Variants in SLC25A34 observed in about 807,000 individuals in gnomAD.
SLC25A34 encodes the protein solute carrier family 25 member 34.
In SLC25A34, 26 loss-of-function variants were observed where a neutral mutation model predicts 28.1. The ratio of observed to expected loss-of-function variants is 0.93; its 90% CI spans 0.68 to 1.28. SLC25A34 has a LOEUF of 1.28. SLC25A34 is among the 50% of genes most tolerant of loss of function. SLC25A34 has a pLI of 0.00. For synonymous variants in SLC25A34, 182 were observed against 182.2 expected, an observed-to-expected ratio of 1.00 and a Z score of 0.01; for missense variants, 384 against 409.8, an observed-to-expected ratio of 0.94 and a Z score of 0.54.
chr1:15,740,675 G>C lies in SLC25A34; in HGVS notation c.*1269G>C, dbSNP rs2068271436. ...GGACTTCAACATGCACTTCTGCAGG[G>C]GCCGCAGTTCAGCCAACATCATCTT... On this transcript the variant is annotated 3_prime_UTR_variant, in exon 5 of 5. Coordinates refer to ENST00000294454, the MANE Select transcript of SLC25A34 (RefSeq NM_207348.3). The C allele has an allele frequency of 6.6e-6, 1 of 152,306 alleles. No individual in the cohort carries two copies. Among genetic ancestry groups the C allele is most frequent in the South Asian group, 2.1e-4 (1 of 4,828 alleles). The allele number at this position is 152,306 out of a possible 1,614,324, so 9.4% of individuals were successfully genotyped here.
At position 15,736,387 on chromosome 1, in the gene SLC25A34, C is replaced by T. The variant is rs1282771096; in HGVS notation, c.-99C>T. The stretch of plus-strand genomic sequence containing the variant: ...GCCTCGGTCCCCTGCAAACCCCAGC[C>T]CCGTAGCCCTGCGAGGTTACAGACA... On this transcript the variant is annotated 5_prime_UTR_variant, in exon 1 of 5. Transcript: ENST00000294454. 7.0e-6 allele frequency: 9 copies of T among 1,291,534 alleles called. No individual in the cohort carries two copies. The highest frequency in any genetic ancestry group is 8.9e-6 in the Non-Finnish European group (9 of 1,009,316). The allele number at this position is 1,291,534 out of a possible 1,614,324, so 80.0% of individuals were successfully genotyped here.
In SLC25A34 at chr1:15,739,508, G is replaced by C; in HGVS notation, c.*102G>C. On this transcript the variant is annotated 3_prime_UTR_variant, in exon 5 of 5. Coordinates refer to ENST00000294454, the MANE Select transcript of SLC25A34 (RefSeq NM_207348.3). ...TGTCCCGGGGCGGGCCATGGGCCCA[G>C]GCCCTGCCAGAGGTCCCGGGAGAGT... is the stretch of plus-strand genomic sequence containing the variant. The C allele has an allele frequency of 7.3e-7, 1 of 1,375,400 alleles. No individual in the cohort carries two copies. Among genetic ancestry groups the C allele is most frequent in the Non-Finnish European group, 9.6e-7 (1 of 1,042,488 alleles). The allele number at this position is 1,375,400 out of a possible 1,614,324, so 85.2% of individuals were successfully genotyped here. A position where few individuals can be genotyped will look rare whatever the true frequency, so the allele number is the denominator to read the frequency against.
At position 15,736,395 on chromosome 1, in the gene SLC25A34, C is replaced by A. The variant is rs1268625168; in HGVS notation, c.-91C>A. On this transcript the variant is annotated 5_prime_UTR_variant, in exon 1 of 5. Coordinates refer to ENST00000294454, the MANE Select transcript of SLC25A34 (RefSeq NM_207348.3). ...CCCCTGCAAACCCCAGCCCCGTAGCCCTGCGAGGTTACAGACAGCCTAAAC... is the reference window on the plus strand; with the variant it reads ...CCCCTGCAAACCCCAGCCCCGTAGCACTGCGAGGTTACAGACAGCCTAAAC... 7.6e-7 allele frequency: 1 copy of A among 1,320,518 alleles called. No homozygotes were observed. The highest frequency in any genetic ancestry group is 1.5e-5 in the African/African-American group (1 of 65,570). The allele number at this position is 1,320,518 out of a possible 1,614,324, so 81.8% of individuals were successfully genotyped here.
At position 15,739,235 on chromosome 1, in the gene SLC25A34, T is replaced by C. The variant is rs144853636; in HGVS notation, c.744T>C (p.Tyr248=). ...PVDTAGRGQL[Y]GGLTDCMVKI... ...ATGTCTTTCCCCAGGGCCAGCTCTA[T>C]GGGGGCCTCACCGACTGCATGGTGA... is the stretch of plus-strand genomic sequence containing the variant. The change falls in exon 5 of 5, where the codon TAT becomes TAC. Residue 248 remains tyrosine, a synonymous_variant. Transcript: ENST00000294454. 6.8e-6 allele frequency: 11 copies of C among 1,612,398 alleles called. No homozygotes were observed. Among genetic ancestry groups the C allele is most frequent in the Middle Eastern group, 1.7e-4 (1 of 6,058 alleles).
rs1310448878 is a variant in SLC25A34, at chr1:15,741,088, T to C, written c.*1682T>C. 1 of 152,356 alleles carries C rather than the reference T, an allele frequency of 6.6e-6. No homozygotes were observed. Among genetic ancestry groups the C allele is most frequent in the Non-Finnish European group, 1.5e-5 (1 of 68,154 alleles). 9.4% of individuals were successfully genotyped at this position (152,356 alleles called of 1,614,324 possible). Reference sequence around the variant, plus strand: ...CCTGAAAGAAGCTCCGGGTGCCCATTGTTCAGTCCAGGTGCCCATTGTTCC... The same window carrying C: ...CCTGAAAGAAGCTCCGGGTGCCCATCGTTCAGTCCAGGTGCCCATTGTTCC... On this transcript the variant is annotated 3_prime_UTR_variant, in exon 5 of 5. Coordinates refer to ENST00000294454, the MANE Select transcript of SLC25A34 (RefSeq NM_207348.3).
At chr1:15,736,919 A>C in intron 1 of SLC25A34, 56 bp downstream of exon 1, 1 of 1,437,874 alleles carries the variant, frequency 7.0e-7, no homozygotes, top group Non-Finnish European at 9.1e-7. Flanking sequence ...CAGCTCCCAC[A>C]GGGGCCCTGC....
intron 1 of SLC25A34, among the ~76,000 whole-genome samples, chr1:15,737,623 G>A (rs367722026): frequency 4.6e-5 from 7 of 151,406 alleles, no homozygotes; most frequent in East Asian, 1.9e-4. Flanking sequence ...GCAAAGGCTC[G>A]CCTTGCCCTT....
intron 1 of SLC25A34, among the ~76,000 whole-genome samples, chr1:15,737,543 C>T (rs976089593): frequency 6.6e-6 from 1 of 150,702 alleles, no homozygotes; most frequent in Non-Finnish European, 1.5e-5. Flanking sequence ...GTACTTCAGC[C>T]TGGGCAACAC....
chr1:15,736,420 C>CG lies in SLC25A34; in HGVS notation c.-65dup. The CG allele has an allele frequency of 9.5e-6, 13 of 1,369,168 alleles. No homozygotes were observed. In the South Asian group the frequency reaches 2.0e-4, roughly 21 times the overall value. The allele number at this position is 1,369,168 out of a possible 1,614,324, so 84.8% of individuals were successfully genotyped here. ...CCTGCGAGGTTACAGACAGCCTAAACGCCACCACCACAGGGCCTGTGCCGT... is the reference window on the plus strand; with the variant it reads ...CCTGCGAGGTTACAGACAGCCTAAACGGCCACCACCACAGGGCCTGTGCCGT... On this transcript the variant is annotated 5_prime_UTR_variant, in exon 1 of 5. Transcript: ENST00000294454.
chr1:15,739,133 G>T, intron 4 of SLC25A34, 91 bp from the exon 5 acceptor site: 1 of 1,480,952 alleles, frequency 6.8e-7, no homozygotes, highest in South Asian at 1.3e-5. Context: ...CATAGGGTGT[G>T]TGGGGGTGAA....
Position 15,739,263 on chromosome 1 carries a change from A to G in SLC25A34, c.772A>G (p.Ile258Val). Reference sequence around the variant, plus strand: ...GGGCCTCACCGACTGCATGGTGAAGATCTGGCGGCAGGAGGGCCCCCTGGC... The same window carrying G: ...GGGCCTCACCGACTGCATGGTGAAGGTCTGGCGGCAGGAGGGCCCCCTGGC... ...YGGLTDCMVKIWRQEGPLALY... is the reference protein window; with the variant it reads ...YGGLTDCMVKVWRQEGPLALY... Residue 258 changes from isoleucine to valine, a missense_variant, in exon 5 of 5, where the codon ATC becomes GTC. Ile to Val is a conservative substitution (Grantham distance 29). Coordinates refer to ENST00000294454, the MANE Select transcript of SLC25A34 (RefSeq NM_207348.3). The G allele has an allele frequency of 1.9e-6, 3 of 1,612,414 alleles. No individual in the cohort carries two copies. Among genetic ancestry groups the G allele is most frequent in the Non-Finnish European group, 2.5e-6 (3 of 1,179,544 alleles).
intron 2 of SLC25A34, 36 bp from the exon 3 acceptor site, chr1:15,738,056 CA>C (rs768998208): frequency 6.2e-7 from 1 of 1,612,818 alleles, no homozygotes; most frequent in South Asian, 1.1e-5. Context: ...CCAGCCTAGG[CA>C]GGGGTGGCCA....
intron 1 of SLC25A34, 81 bp from the exon 2 acceptor site, chr1:15,737,848 G>C: frequency 6.6e-7 from 1 of 1,504,822 alleles, no homozygotes; most frequent in Non-Finnish European, 9.2e-7. Context: ...GGGCACGGGG[G>C]CAGGGCGCCC....
chr1:15,739,525 C>T lies in SLC25A34; in HGVS notation c.*119C>T, dbSNP rs924511211. 5 of 1,251,566 alleles carry T rather than the reference C, an allele frequency of 4.0e-6. No individual in the cohort carries two copies. Among genetic ancestry groups the T allele is most frequent in the East Asian group, 2.8e-5 (1 of 36,334 alleles). 77.5% of individuals were successfully genotyped at this position (1,251,566 alleles called of 1,614,324 possible). On this transcript the variant is annotated 3_prime_UTR_variant, in exon 5 of 5. Coordinates refer to ENST00000294454, the MANE Select transcript of SLC25A34 (RefSeq NM_207348.3). The stretch of plus-strand genomic sequence containing the variant: ...TGGGCCCAGGCCCTGCCAGAGGTCC[C>T]GGGAGAGTGTGGACAGCTCTGGTCC...
In SLC25A34 at chr1:15,740,619, A is replaced by AT. The variant is rs2068270736; in HGVS notation, c.*1214dup. 1 of 151,974 alleles carries AT rather than the reference A, an allele frequency of 6.6e-6. No homozygotes were observed. Among genetic ancestry groups the AT allele is most frequent in the South Asian group, 2.1e-4 (1 of 4,814 alleles). The allele number at this position is 151,974 out of a possible 1,614,324, so 9.4% of individuals were successfully genotyped here. Reference sequence around the variant, plus strand: ...ATCTCTGTCAAGAGCCTATCTCCATATACAGTCACATCCTGAGCTACTAGG... The same window carrying AT: ...ATCTCTGTCAAGAGCCTATCTCCATATTACAGTCACATCCTGAGCTACTAGG... On this transcript the variant is annotated 3_prime_UTR_variant, in exon 5 of 5. Transcript: ENST00000294454.
In SLC25A34 at chr1:15,736,709, C is replaced by T. The variant is rs764046905; in HGVS notation, c.224C>T (p.Ala75Val). 89 of 1,609,300 alleles carry T rather than the reference C, an allele frequency of 5.5e-5. No homozygotes were observed. In the South Asian group the frequency reaches 9.4e-4, roughly 17 times the overall value. ...TGGGGCCTGCAGAAGGGGCTGGCTG[C>T]CGGCCTTCTGTACCAAGGCCTCATG... ...GLWGLQKGLA[A>V]GLLYQGLMNG... The change falls in exon 1 of 5, where the codon GCC (alanine) becomes GTC (valine). Residue 75 changes from alanine to valine, a missense_variant. Physicochemically the swap from Ala to Val is moderately conservative, Grantham distance 64. Transcript: ENST00000294454.
rs569442301 is a variant in SLC25A34 at position 15,740,645 on chromosome 1, G to C, written c.*1239G>C. ...TACAGTCACATCCTGAGCTACTAGG[G>C]GGTAGGACTTCAACATGCACTTCTG... On this transcript the variant is annotated 3_prime_UTR_variant, in exon 5 of 5. Coordinates refer to ENST00000294454, the MANE Select transcript of SLC25A34 (RefSeq NM_207348.3). The C allele has an allele frequency of 2.0e-5, 3 of 152,096 alleles. No homozygotes were observed. The highest frequency in any genetic ancestry group is 4.4e-5 in the Non-Finnish European group (3 of 68,068). 9.4% of individuals were successfully genotyped at this position (152,096 alleles called of 1,614,324 possible). A position where few individuals can be genotyped will look rare whatever the true frequency, so the allele number is the denominator to read the frequency against.
chr1:15,738,781 AACAC>A (rs71002925), intron 4 of SLC25A34, 53 bp downstream of exon 4: 9,766 of 1,288,210 alleles, frequency 7.6e-3, no homozygotes, highest in African/African-American at 0.013. Flanking sequence ...GCACCCCCCC[AACAC>A]ACACACACAC....
Position 15,739,730 on chromosome 1 carries a change from C to T in SLC25A34, c.*324C>T. Reference sequence around the variant, plus strand: ...TGGCATAGGCCCAGTAACTTACATACATCGGCTCACTTAGGCCTCAGACAG... The same window carrying T: ...TGGCATAGGCCCAGTAACTTACATATATCGGCTCACTTAGGCCTCAGACAG... On this transcript the variant is annotated 3_prime_UTR_variant, in exon 5 of 5. Coordinates refer to ENST00000294454, the MANE Select transcript of SLC25A34 (RefSeq NM_207348.3). The T allele has an allele frequency of 4.2e-6, 1 of 236,570 alleles. No homozygotes were observed. Among genetic ancestry groups the T allele is most frequent in the Non-Finnish European group, 8.1e-6 (1 of 122,722 alleles). 14.7% of individuals were successfully genotyped at this position (236,570 alleles called of 1,614,324 possible). A position where few individuals can be genotyped will look rare whatever the true frequency, so the allele number is the denominator to read the frequency against.
Sources: gnomAD v4.1 joint callset for allele counts (sites outside exome capture counted in the v4.1 genomes callset) on GRCh38, gnomAD v4.1.1 for gene constraint, MANE v1.5 for transcripts, NCBI Gene and HGNC (gene_info 2026-07-23, HGNC 2026-07-21) for gene names.